The following CATSPERG variants were observed in gnomAD, a reference collection of about 807,000 sequenced individuals.
CATSPERG encodes the protein catsper channel auxiliary subunit gamma, also known as cation channel sperm-associated auxiliary subunit gamma.
In CATSPERG, 115 loss-of-function variants were observed where a neutral mutation model predicts 145.0. The ratio of observed to expected loss-of-function variants is 0.79; its 90% CI spans 0.68 to 0.93. CATSPERG has a LOEUF of 0.93. Ranked by LOEUF, CATSPERG falls within the 40% of genes least tolerant of loss-of-function variation. The pLI is 0.00. For missense variants in CATSPERG, 1,296 were observed against 1,490.1 expected (o/e 0.87, Z 2.14); for synonymous variants, 588 against 589.0 (o/e 1.00, Z 0.02).
chr19:38,345,582 G>A (rs991743454), intron 6 of CATSPERG, among the ~76,000 whole-genome samples: 1 of 150,878 alleles, frequency 6.6e-6, no homozygotes, highest in Non-Finnish European at 1.5e-5. Context: ...TCGGCTCACC[G>A]CAACCTCTGC....
Position 38,370,356 on chromosome 19 carries a change from C to T in CATSPERG, c.3213+98C>T, listed in dbSNP as rs905227210. 8 of 1,404,548 alleles carry T rather than the reference C, an allele frequency of 5.7e-6. 1 individual carries two copies. Among genetic ancestry groups the T allele is most frequent in the Admixed American group, 3.5e-5 (2 of 56,676 alleles). The allele number at this position is 1,404,548 out of a possible 1,614,324, so 87.0% of individuals were successfully genotyped here. On this transcript the variant is annotated intron_variant, in intron 28 of 28. Coordinates refer to ENST00000409235, the MANE Select transcript of CATSPERG (RefSeq NM_021185.5). Reference sequence around the variant, plus strand: ...CTTCGCTCATTCATTCCTTTATTCACTCATCTAGCCATGCTGACTGAACGC... The same window carrying T: ...CTTCGCTCATTCATTCCTTTATTCATTCATCTAGCCATGCTGACTGAACGC...
At chr19:38,351,162 C>T (rs1970132531) in intron 7 of CATSPERG, among the ~76,000 whole-genome samples, 2 of 152,198 alleles carry the variant, frequency 1.3e-5, no homozygotes, top group Non-Finnish European at 2.9e-5. Flanking sequence ...CCCAACAAAG[C>T]CAACACAATC....
chr19:38,365,157 T>C, intron 22 of CATSPERG, 40 bp downstream of exon 22: 1 of 1,588,996 alleles, frequency 6.3e-7, no homozygotes, highest in Non-Finnish European at 8.6e-7. Flanking sequence ...GAGGGGAAGG[T>C]TGGGGTCGGG....
In CATSPERG at chr19:38,356,568, C is replaced by T. The variant is rs184862901; in HGVS notation, c.1195+25C>T. 3.0e-3 allele frequency: 4,900 copies of T among 1,609,386 alleles called. 8 individuals are homozygous for T. The highest frequency in any genetic ancestry group is 5.3e-3 in the Middle Eastern group (32 of 6,038). On this transcript the variant is annotated intron_variant, in intron 10 of 28. Transcript: ENST00000409235. ...GGTACTCATTACCCCGATGGGTCTG[C>T]GGTGGGAGGCTGGGGGAACTGAGGA...
intron 3 of CATSPERG, among the ~76,000 whole-genome samples, chr19:38,343,260 T>C (rs527495173): frequency 6.6e-6 from 1 of 152,234 alleles, no homozygotes; most frequent in East Asian, 1.9e-4. Flanking sequence ...CCCTCCCACC[T>C]GCACAGTTTT....
At chr19:38,343,927 G>A in intron 4 of CATSPERG, 66 bp from the exon 5 acceptor site, 1 of 1,530,426 alleles carries the variant, frequency 6.5e-7, no homozygotes, top group South Asian at 1.2e-5. Flanking sequence ...ATCCCAGGGT[G>A]GTCTGGGGCC....
chr19:38,370,050 G>A lies in CATSPERG; in HGVS notation c.3099G>A (p.Val1033=), dbSNP rs997314578. The change falls in exon 27 of 29, where the codon GTG becomes GTA. Residue 1033 remains valine (V), a synonymous_variant. Coordinates refer to ENST00000409235, the MANE Select transcript of CATSPERG (RefSeq NM_021185.5). ...TTGCCCCTGAATTCTTCTTCAAGGT[G>A]TTGGTGAGCAATAGGTGAGCCAGGC... ...GIFAPEFFFK[V]LVSNRGVDTS... is the part of the protein sequence containing the mutation. 1 of 1,614,218 alleles carries A rather than the reference G, an allele frequency of 6.2e-7. No homozygotes were observed. The highest frequency in any genetic ancestry group is 8.5e-7 in the Non-Finnish European group (1 of 1,180,032).
intron 7 of CATSPERG, among the ~76,000 whole-genome samples, chr19:38,348,017 C>T (rs1970069621): frequency 1.3e-5 from 2 of 152,062 alleles, no homozygotes; most frequent in Admixed American, 6.6e-5. Flanking sequence ...CTGAGGATCC[C>T]ACGTGGATTA....
At position 38,367,158 on chromosome 19, in the gene CATSPERG, C is replaced by G. The variant is rs1436906710; in HGVS notation, c.2616C>G (p.Gly872=). 6.2e-7 allele frequency: 1 copy of G among 1,612,208 alleles called. No individual in the cohort carries two copies. Among genetic ancestry groups the G allele is most frequent in the Non-Finnish European group, 8.5e-7 (1 of 1,179,280 alleles). ...QETHLGPHMQ[G]NLMVPVFIGC... is the part of the protein sequence containing the mutation. ...GAGCCTTTTTTCCTCCCACCGAGGG[C>G]AACCTGATGGTGCCAGTGTTCATTG... The change falls in exon 23 of 29, where the codon GGC becomes GGG. Residue 872 remains glycine, a splice_region_variant and synonymous_variant. Transcript: ENST00000409235.
At chr19:38,341,938 G>A (rs546707399) in intron 3 of CATSPERG, among the ~76,000 whole-genome samples, 6 of 151,782 alleles carry the variant, frequency 4.0e-5, no homozygotes, top group Admixed American at 4.0e-4. Context: ...TTAGCCAGGC[G>A]TGGTAGTGGT....
intron 3 of CATSPERG, among the ~76,000 whole-genome samples, chr19:38,342,077 TAAAA>T (rs36074744): frequency 4.0e-5 from 5 of 125,036 alleles, no homozygotes; most frequent in Non-Finnish European, 6.7e-5. Flanking sequence ...GACCTTATCT[TAAAA>T]AAAAAAAAAA....
In CATSPERG at chr19:38,358,697, G is replaced by A. The variant is rs1970291270; in HGVS notation, c.1496+136G>A. 2.9e-6 allele frequency: 3 copies of A among 1,047,528 alleles called. No individual in the cohort carries two copies. The South Asian group carries it at 4.5e-5, about 16-fold the overall frequency. The allele number at this position is 1,047,528 out of a possible 1,614,324, so 64.9% of individuals were successfully genotyped here. The stretch of plus-strand genomic sequence containing the variant: ...GATGCACAAATCCAGAAGTTACCAG[G>A]ACTGTGATGAGGAACACACCGTTAG... On this transcript the variant is annotated intron_variant, in intron 13 of 28. Transcript: ENST00000409235.
In CATSPERG at chr19:38,367,698, T is replaced by TGGGTGGC; in HGVS notation, c.2856_2862dup (p.Pro955TrpfsTer13). 6.2e-7 allele frequency: 1 copy of TGGGTGGC among 1,614,088 alleles called. No individual in the cohort carries two copies. The highest frequency in any genetic ancestry group is 1.3e-5 in the African/African-American group (1 of 75,000). On this transcript the variant is annotated frameshift_variant, in exon 25 of 29. Transcript: ENST00000409235. LOFTEE classifies it high-confidence loss of function. ...CCTGGTAGCTATGTTCTGCTGGTGGTGGGTGGCGGGCCCACACTGGACAGC... is the reference window on the plus strand; with the variant it reads ...CCTGGTAGCTATGTTCTGCTGGTGGTGGGTGGCGGGTGGCGGGCCCACACTGGACAGC...
At position 38,346,306 on chromosome 19, in the gene CATSPERG, G is replaced by A. The variant is rs2145073359; in HGVS notation, c.670-144G>A. On this transcript the variant is annotated intron_variant, in intron 6 of 28. Coordinates refer to ENST00000409235, the MANE Select transcript of CATSPERG (RefSeq NM_021185.5). ...GCTGGGAGAGAGGGACCGAGGGGGA[G>A]AATGGTAAGGAATGAGGTCAAGGAA... The A allele has an allele frequency of 6.0e-6, 4 of 666,062 alleles. No individual in the cohort carries two copies. In the South Asian group the frequency reaches 9.6e-5, roughly 16 times the overall value. The allele number at this position is 666,062 out of a possible 1,614,324, so 41.3% of individuals were successfully genotyped here.
chr19:38,368,308 G>C (rs924063740), intron 26 of CATSPERG, among the ~76,000 whole-genome samples, 171 bp downstream of exon 26: 1 of 152,224 alleles, frequency 6.6e-6, no homozygotes, highest in African/African-American at 2.4e-5. Flanking sequence ...CTGGAATGCT[G>C]CTCCCTCCGA....
In CATSPERG at chr19:38,343,978, A is replaced by G. The variant is rs1430805801; in HGVS notation, c.470-15A>G. ...GGAGGCCCCAGCAGTTTCAGTGCCCAGGGCCTCCCTGCAGAGCCATGCATG... is the reference window on the plus strand; with the variant it reads ...GGAGGCCCCAGCAGTTTCAGTGCCCGGGGCCTCCCTGCAGAGCCATGCATG... On this transcript the variant is annotated splice_polypyrimidine_tract_variant and intron_variant, in intron 4 of 28. Coordinates refer to ENST00000409235, the MANE Select transcript of CATSPERG (RefSeq NM_021185.5). 4 of 1,548,998 alleles carry G rather than the reference A, an allele frequency of 2.6e-6. No homozygotes were observed. The highest frequency in any genetic ancestry group is 2.7e-5 in the African/African-American group (2 of 72,952).
In CATSPERG at chr19:38,370,587, C is replaced by G; in HGVS notation, c.3275C>G (p.Pro1092Arg). ...IFYIAFCLLW[P>R]LVVKGCTMIR... ...TACATCGCCTTCTGCCTCCTGTGGC[C>G]CCTCGTGGTGAAGGGCTGCACGATG... Residue 1092 changes from proline to arginine, a missense_variant, in exon 29 of 29, where the codon CCC becomes CGC. Coordinates refer to ENST00000409235, the MANE Select transcript of CATSPERG (RefSeq NM_021185.5). 6.2e-7 allele frequency: 1 copy of G among 1,614,162 alleles called. No homozygotes were observed. Among genetic ancestry groups the G allele is most frequent in the African/African-American group, 1.3e-5 (1 of 75,032 alleles).
At chr19:38,351,130 G>A (rs1413388040) in intron 7 of CATSPERG, among the ~76,000 whole-genome samples, 8 of 152,184 alleles carry the variant, frequency 5.3e-5, no homozygotes, top group Middle Eastern at 6.8e-3. Flanking sequence ...CTTCCACTTG[G>A]TACAGCTCAG....
At chr19:38,361,925 G>C (rs1970353898) in intron 17 of CATSPERG, 64 bp downstream of exon 17, 9 of 1,406,342 alleles carry the variant, frequency 6.4e-6, no homozygotes, top group African/African-American at 1.4e-5. Flanking sequence ...AGCTGGCTTA[G>C]AGGGCGAGGC....
Sources: allele counts gnomAD v4.1 joint callset (sites outside exome capture counted in the v4.1 genomes callset), GRCh38; gene constraint gnomAD v4.1.1; transcripts MANE v1.5; gene names NCBI Gene and HGNC (gene_info 2026-07-23, HGNC 2026-07-21).